The following PTPRA variants were observed in gnomAD, a reference collection of about 807,000 sequenced individuals.
The protein encoded by PTPRA is protein tyrosine phosphatase receptor type A, also known as receptor-type tyrosine-protein phosphatase alpha.
In PTPRA, 25 loss-of-function variants were observed where a neutral mutation model predicts 104.8. That is an observed-to-expected ratio of 0.24 (90% confidence interval 0.17 to 0.33). The LOEUF (loss-of-function observed/expected upper bound fraction) is 0.33. Ranked by LOEUF, PTPRA falls within the 10% of genes least tolerant of loss-of-function variation. PTPRA has a pLI of 1.00. For missense variants in PTPRA, 765 were observed against 1,015.3 expected, an observed-to-expected ratio of 0.75 and a Z score of 3.35; for synonymous variants, 323 against 368.9, an observed-to-expected ratio of 0.88 and a Z score of 1.43.
Position 2,964,322 on chromosome 20 carries a change from A to G in PTPRA, c.45A>G (p.Ile15Met). 1.2e-6 allele frequency: 2 copies of G among 1,607,660 alleles called. No homozygotes were observed. The highest frequency in any genetic ancestry group is 1.7e-6 in the Non-Finnish European group (2 of 1,178,042). The stretch of plus-strand genomic sequence containing the variant: ...TTGTTCTGCTCGGCAGTGGTCTGAT[A>G]TGTGTCAGTGCCAACAATGCTACCA... ...FILVLLGSGL[I>M]CVSANNATTV... Residue 15 changes from isoleucine to methionine, a missense_variant, in exon 4 of 24, where the codon ATA becomes ATG. This residue lies in a region of PTPRA where 256 missense variants were observed against 248.9 expected (regional missense o/e 1.03). Transcript: ENST00000399903.
chr20:2,894,635 A>G (rs2058924127), intron 1 of PTPRA, among the ~76,000 whole-genome samples: 1 of 151,550 alleles, frequency 6.6e-6, no homozygotes, highest in African/African-American at 2.4e-5. Flanking sequence ...CCACTGTGCT[A>G]CCAGTTTGTG....
intron 1 of PTPRA, among the ~76,000 whole-genome samples, chr20:2,900,800 T>C (rs112335086): frequency 0.023 from 3,380 of 148,850 alleles, 126 homozygotes; most frequent in African/African-American, 0.077. Flanking sequence ...TAGGTTGCAG[T>C]GACCCAAGAT....
chr20:2,896,469 A>G (rs1006311913), intron 1 of PTPRA, among the ~76,000 whole-genome samples: 3 of 152,208 alleles, frequency 2.0e-5, no homozygotes, highest in African/African-American at 7.2e-5. Flanking sequence ...GTTGGTATTT[A>G]TTTGCCATTT....
At chr20:2,926,128 T>A (rs1050472182) in intron 2 of PTPRA, among the ~76,000 whole-genome samples, 7 of 152,206 alleles carry the variant, frequency 4.6e-5, no homozygotes, top group Admixed American at 1.3e-4. Flanking sequence ...ACATAATTCT[T>A]TGCCTCTCCA....
At chr20:2,901,719 A>G (rs564584844) in intron 1 of PTPRA, among the ~76,000 whole-genome samples, 8 of 152,300 alleles carry the variant, frequency 5.3e-5, no homozygotes, top group East Asian at 1.9e-4. Flanking sequence ...TTTACAATAT[A>G]CAATACCTAA....
chr20:2,873,000 G>A (rs2089467082), upstream of PTPRA, among the ~76,000 whole-genome samples: 3 of 152,152 alleles, frequency 2.0e-5, no homozygotes, highest in African/African-American at 7.2e-5. This position sits in a 1 kb window ranked among gnomAD's most constrained non-coding sequence, Gnocchi z 7.9. Context: ...CCGTTCTAGG[G>A]ACTTGGCAGG....
chr20:2,873,754 C>G lies in PTPRA; in HGVS notation c.-135C>G, dbSNP rs1291941539. 2 of 151,940 alleles carry G rather than the reference C, an allele frequency of 1.3e-5. No homozygotes were observed. Among genetic ancestry groups the G allele is most frequent in the Admixed American group, 1.3e-4 (2 of 15,284 alleles). The allele number at this position is 151,940 out of a possible 1,614,324, so 9.4% of individuals were successfully genotyped here. A position where few individuals can be genotyped will look rare whatever the true frequency, so the allele number is the denominator to read the frequency against. On this transcript the variant is annotated 5_prime_UTR_variant, in exon 1 of 24. Coordinates refer to ENST00000399903, the MANE Select transcript of PTPRA (RefSeq NM_001385305.1). This position sits in a 1 kb window ranked among gnomAD's most constrained non-coding sequence, Gnocchi z 4.4. ...GTCCCCAGCGGTCCCGCCCAACGCC[C>G]GACTCTGTGAGTGTTCGCGGCCGCT...
At chr20:2,932,433 T>G (rs1427810080) in intron 2 of PTPRA, among the ~76,000 whole-genome samples, 1 of 152,108 alleles carries the variant, frequency 6.6e-6, no homozygotes, top group Non-Finnish European at 1.5e-5. Context: ...AGAACATCCG[T>G]GTCTATTTGT....
chr20:2,926,793 T>TA (rs2060313895), intron 2 of PTPRA, among the ~76,000 whole-genome samples: 2 of 133,572 alleles, frequency 1.5e-5, no homozygotes, highest in Non-Finnish European at 3.2e-5. Flanking sequence ...TTTTTTTTTT[T>TA]ACTTTTTATT....
At chr20:2,891,753 C>G (rs1356963180) in intron 1 of PTPRA, among the ~76,000 whole-genome samples, 1 of 152,040 alleles carries the variant, frequency 6.6e-6, no homozygotes, top group Non-Finnish European at 1.5e-5. Flanking sequence ...CAGGATCCCC[C>G]CCATGGAGAT....
intron 1 of PTPRA, among the ~76,000 whole-genome samples, chr20:2,917,300 T>C (rs2059939877): frequency 6.6e-6 from 1 of 152,108 alleles, no homozygotes; most frequent in Admixed American, 6.5e-5. Context: ...TGTCTTTCCA[T>C]TTATTTAGGG....
In PTPRA at chr20:2,873,639, G is replaced by T. The variant is rs574418284; in HGVS notation, c.-250G>T. On this transcript the variant is annotated 5_prime_UTR_variant, in exon 1 of 24. Coordinates refer to ENST00000399903, the MANE Select transcript of PTPRA (RefSeq NM_001385305.1). The surrounding 1 kb of genome is among the most constrained non-coding windows in gnomAD (Gnocchi z 4.4). ...GAGGCGAGGCCGCCGCCGCCGCCGC[G>T]GGGCTCGGAGCCGCGGGCCGGGCGG... The T allele has an allele frequency of 2.1e-4, 32 of 150,862 alleles. No individual in the cohort carries two copies. The highest frequency in any genetic ancestry group is 7.7e-4 in the African/African-American group (32 of 41,398). The allele number at this position is 150,862 out of a possible 1,614,324, so 9.3% of individuals were successfully genotyped here. A position where few individuals can be genotyped will look rare whatever the true frequency, so the allele number is the denominator to read the frequency against.
rs563035198 is a variant in PTPRA, at chr20:2,984,127, G to A, written c.443-2638G>A. 1.3e-3 allele frequency among the ~76,000 whole-genome samples: 203 copies of A among 152,114 alleles called. 4 individuals carry two copies. The South Asian group carries it at 0.029, about 22-fold the overall frequency. ...CCAGTCTGAACACTCATTTTAAGGT[G>A]AGAGCCACATACCACAGTATGTTTG... On this transcript the variant is annotated intron_variant, in intron 6 of 23. Transcript: ENST00000399903.
At chr20:2,931,115 C>G (rs1457726494) in intron 2 of PTPRA, among the ~76,000 whole-genome samples, 1 of 152,120 alleles carries the variant, frequency 6.6e-6, no homozygotes, top group African/African-American at 2.4e-5. Flanking sequence ...GGCTCCCACT[C>G]AAGATATCCC....
intron 3 of PTPRA, among the ~76,000 whole-genome samples, chr20:2,959,955 A>G (rs918602272): frequency 2.6e-5 from 4 of 152,114 alleles, no homozygotes; most frequent in Admixed American, 6.5e-5. Context: ...CGTCCTAAAA[A>G]AAGAAAGAAA....
chr20:2,963,059 C>G (rs909840159), intron 3 of PTPRA, among the ~76,000 whole-genome samples: 32 of 152,198 alleles, frequency 2.1e-4, no homozygotes, highest in African/African-American at 7.2e-4. Flanking sequence ...AATGGATGAA[C>G]AAACCACTAT....
chr20:2,918,311 C>T (rs929117883), intron 1 of PTPRA, among the ~76,000 whole-genome samples: 2 of 152,052 alleles, frequency 1.3e-5, no homozygotes, highest in Admixed American at 6.6e-5. Flanking sequence ...CCACTGTGCC[C>T]GGCTACATAC....
intron 1 of PTPRA, among the ~76,000 whole-genome samples, chr20:2,885,389 G>GTGTT (rs1447219282): frequency 2.0e-5 from 3 of 152,132 alleles, no homozygotes; most frequent in Non-Finnish European, 4.4e-5. Context: ...ATCTCCAAAT[G>GTGTT]TGTTTCTAAA....
At chr20:2,956,384 T>C (rs1022955658) in intron 3 of PTPRA, among the ~76,000 whole-genome samples, 14 of 152,134 alleles carry the variant, frequency 9.2e-5, no homozygotes, top group African/African-American at 3.4e-4. Flanking sequence ...TGTGTGCATT[T>C]CCCCGCCCCA....
Sources: gnomAD v4.1 joint callset for allele counts (sites outside exome capture counted in the v4.1 genomes callset) on GRCh38, gnomAD v4.1.1 for gene constraint, gnomAD v4.1.1 regional missense constraint, Gnocchi (gnomAD v3.1) non-coding constraint, MANE v1.5 for transcripts, NCBI Gene and HGNC (gene_info 2026-07-23, HGNC 2026-07-21) for gene names.